The following WLS variants were observed in gnomAD, a reference collection of about 807,000 sequenced individuals.
WLS encodes the protein Wnt ligand secretion mediator, also known as protein wntless homolog.
A neutral mutation model predicts 62.8 loss-of-function variants in WLS; 23 were observed. The observed-to-expected ratio is 0.37, with a 90% CI of 0.26 to 0.52. The LOEUF (loss-of-function observed/expected upper bound fraction) is 0.52, where lower values mean the gene tolerates loss of function less well. Ranked by LOEUF, WLS falls within the 20% of genes least tolerant of loss-of-function variation. The pLI is 0.92. For missense variants in WLS, 615 were observed against 697.3 expected (o/e 0.88, Z 1.33); for synonymous variants, 246 against 244.1 (o/e 1.01, Z -0.07).
chr1:68,156,399 T>C (rs1646899925), intron 3 of WLS, among the ~76,000 whole-genome samples: 1 of 152,168 alleles, frequency 6.6e-6, no homozygotes. Flanking sequence ...AAAGAGTCCA[T>C]AGTCTAAGAG....
At chr1:68,168,874 T>C (rs1647102746) in intron 2 of WLS, among the ~76,000 whole-genome samples, 1 of 152,196 alleles carries the variant, frequency 6.6e-6, no homozygotes, top group South Asian at 2.1e-4. Context: ...CGCTTTCAAT[T>C]AAGGAAATAA....
chr1:68,155,309 C>A (rs1386969857), intron 3 of WLS, 49 bp from the exon 4 acceptor site: 1 of 1,569,528 alleles, frequency 6.4e-7, no homozygotes, highest in Non-Finnish European at 8.6e-7. Context: ...TTCCAATAGA[C>A]TGGCTCTGAA....
chr1:68,137,446 A>G (rs714282), intron 11 of WLS, among the ~76,000 whole-genome samples: 86,577 of 152,086 alleles, frequency 0.57, 25,643 homozygotes, highest in South Asian at 0.65. Flanking sequence ...AAGAATAAAC[A>G]TGGCATAGTT....
At chr1:68,110,185 A>G (rs1426673580) in intron 11 of WLS, among the ~76,000 whole-genome samples, 4 of 151,918 alleles carry the variant, frequency 2.6e-5, no homozygotes, top group Non-Finnish European at 4.4e-5. Flanking sequence ...ATATATCTAC[A>G]GATAGGCAAA....
chr1:68,141,368 T>G (rs1053348717), intron 10 of WLS: 2 of 152,210 alleles, frequency 1.3e-5, no homozygotes, highest in South Asian at 2.1e-4. Context: ...TCCCCTGCAC[T>G]GCACTTCTGT....
intron 2 of WLS, chr1:68,161,997 T>C: frequency 6.2e-7 from 1 of 1,602,146 alleles, no homozygotes; most frequent in East Asian, 2.2e-5. Context: ...ACCAAGGCGC[T>C]GATGTGACAG....
intron 11 of WLS, chr1:68,102,620 T>C (rs1406233649): frequency 6.6e-6 from 1 of 152,212 alleles, no homozygotes; most frequent in East Asian, 1.9e-4. Flanking sequence ...TTCATCTGTA[T>C]TTGCTGAAAT....
chr1:68,195,126 C>A (rs535402386), intron 1 of WLS, among the ~76,000 whole-genome samples: 2 of 152,188 alleles, frequency 1.3e-5, no homozygotes, highest in South Asian at 2.1e-4. Flanking sequence ...TTAAAATATA[C>A]GCAAATATTA....
intron 1 of WLS, among the ~76,000 whole-genome samples, chr1:68,229,646 T>A (rs549703075): frequency 1.9e-3 from 287 of 152,262 alleles, no homozygotes; most frequent in African/African-American, 6.6e-3. Context: ...GGTGGGAAAA[T>A]TTTTCACTTA....
At chr1:68,140,836 T>G (rs1225195545) in intron 10 of WLS, among the ~76,000 whole-genome samples, 2 of 152,106 alleles carry the variant, frequency 1.3e-5, no homozygotes, top group Non-Finnish European at 2.9e-5. Flanking sequence ...TCTGAGCACA[T>G]TCCCACCAAT....
chr1:68,136,978 T>G (rs1055423944), intron 11 of WLS, among the ~76,000 whole-genome samples: 2 of 152,120 alleles, frequency 1.3e-5, no homozygotes, highest in African/African-American at 4.8e-5. Flanking sequence ...GTAAAGCAGG[T>G]GTAAAAAGAG....
At chr1:68,205,690 T>G (rs1158741494) in intron 1 of WLS, among the ~76,000 whole-genome samples, 1 of 152,182 alleles carries the variant, frequency 6.6e-6, no homozygotes, top group Non-Finnish European at 1.5e-5. Context: ...GGGAAGATTT[T>G]GGCCATTTCT....
chr1:68,231,753 A>G (rs759747174), intron 1 of WLS: 10 of 466,840 alleles, frequency 2.1e-5, no homozygotes, highest in South Asian at 1.4e-4. Context: ...CGCCGGGCAC[A>G]GTTCCCCGAC....
intron 11 of WLS, among the ~76,000 whole-genome samples, chr1:68,104,881 C>T (rs1453003999): frequency 6.6e-6 from 1 of 152,228 alleles, no homozygotes; most frequent in Admixed American, 6.5e-5. Context: ...GATCGTGCCT[C>T]TGCACTACAA....
intron 11 of WLS, among the ~76,000 whole-genome samples, chr1:68,104,789 G>A (rs1046549042): frequency 2.0e-5 from 3 of 152,148 alleles, no homozygotes; most frequent in African/African-American, 4.8e-5. Context: ...GTGTGGTGGT[G>A]CATGCCTGTA....
intron 2 of WLS, among the ~76,000 whole-genome samples, chr1:68,179,230 C>T (rs1309580555): frequency 6.6e-6 from 1 of 152,148 alleles, no homozygotes; most frequent in Non-Finnish European, 1.5e-5. Context: ...CCAAAGGATA[C>T]CAATGAGATT....
intron 11 of WLS, among the ~76,000 whole-genome samples, chr1:68,111,396 C>T (rs990151397): frequency 1.3e-5 from 2 of 152,146 alleles, no homozygotes; most frequent in African/African-American, 2.4e-5. Flanking sequence ...GTTTTTTCTT[C>T]CCCAGCCTTG....
chr1:68,224,569 T>TG (rs926045276), intron 1 of WLS, among the ~76,000 whole-genome samples: 3 of 152,286 alleles, frequency 2.0e-5, no homozygotes, highest in African/African-American at 7.2e-5. Context: ...TAATTTCCTT[T>TG]GGGGAGTGTT....
downstream of WLS, chr1:68,125,344 T>C (rs1646412887): frequency 1.0e-6 from 1 of 985,302 alleles, no homozygotes; most frequent in Non-Finnish European, 1.2e-6. Context: ...TGGAAAATAA[T>C]CTGCACGCAT....
Sources: allele counts gnomAD v4.1 joint callset (sites outside exome capture counted in the v4.1 genomes callset), GRCh38; gene constraint gnomAD v4.1.1; transcripts MANE v1.5; gene names NCBI Gene and HGNC (gene_info 2026-07-23, HGNC 2026-07-21).